The following FNDC3B variants were observed in gnomAD, a reference collection of about 807,000 sequenced individuals.
The protein encoded by FNDC3B is fibronectin type III domain-containing protein 3B.
A neutral mutation model predicts 151.5 loss-of-function variants in FNDC3B; 12 were observed. That is an observed-to-expected ratio of 0.08 (90% CI 0.05 to 0.13). The LOEUF is 0.13. Ranked by LOEUF, FNDC3B falls within the 10% of genes least tolerant of loss-of-function variation. FNDC3B has a pLI of 1.00. For synonymous variants in FNDC3B, 528 were observed against 549.0 expected (o/e 0.96, Z 0.54); for missense variants, 1,214 against 1,505.3 (o/e 0.81, Z 3.20).
intron 1 of FNDC3B, among the ~76,000 whole-genome samples, chr3:172,086,573 C>T (rs1033575737): frequency 6.6e-6 from 1 of 151,998 alleles, no homozygotes; most frequent in Non-Finnish European, 1.5e-5. Context: ...AAAAATTGGC[C>T]TAAGTTCTTA....
Position 172,330,659 on chromosome 3 carries a change from G to A in FNDC3B, c.1498G>A (p.Gly500Ser). The A allele has an allele frequency of 6.2e-7, 1 of 1,614,118 alleles. No homozygotes were observed. Among genetic ancestry groups the A allele is most frequent in the South Asian group, 1.1e-5 (1 of 91,064 alleles). ...WVTLQWSKPE[G>S]CSPEEVITYT... Reference sequence around the variant, plus strand: ...CACGTTGCAGTGGAGTAAGCCAGAAGGCTGTTCACCCGAGGAAGTGATCAC... The same window carrying A: ...CACGTTGCAGTGGAGTAAGCCAGAAAGCTGTTCACCCGAGGAAGTGATCAC... Residue 500 changes from glycine (G) to serine (S), a missense_variant, in exon 13 of 26, where the codon GGC (glycine) becomes AGC (serine). This residue lies in a region of FNDC3B where 111 missense variants were observed against 96.8 expected (regional missense o/e 1.15). Coordinates refer to ENST00000415807, the MANE Select transcript of FNDC3B (RefSeq NM_022763.4).
intron 3 of FNDC3B, among the ~76,000 whole-genome samples, chr3:172,167,746 A>T (rs1381382795): frequency 6.6e-6 from 1 of 152,204 alleles, no homozygotes; most frequent in Non-Finnish European, 1.5e-5. Context: ...GCCTCCTGTC[A>T]GATCAGCAGT....
chr3:172,086,230 C>T (rs559733805), intron 1 of FNDC3B, among the ~76,000 whole-genome samples: 3 of 151,976 alleles, frequency 2.0e-5, no homozygotes, highest in Non-Finnish European at 4.4e-5. Flanking sequence ...TATGGTGGCA[C>T]ACACCTGTAG....
intron 25 of FNDC3B, among the ~76,000 whole-genome samples, chr3:172,389,322 C>G (rs1472226383): frequency 6.6e-6 from 1 of 152,122 alleles, no homozygotes; most frequent in Non-Finnish European, 1.5e-5. Flanking sequence ...ATCTGTTACT[C>G]TAAAAAAATC....
intron 11 of FNDC3B, among the ~76,000 whole-genome samples, chr3:172,325,559 G>A (rs1443104567): frequency 6.6e-6 from 1 of 152,126 alleles, no homozygotes; most frequent in African/African-American, 2.4e-5. Flanking sequence ...GTTTATAAAT[G>A]CTATTTGCAA....
intron 21 of FNDC3B, among the ~76,000 whole-genome samples, chr3:172,349,013 G>A (rs1470874042): frequency 7.2e-5 from 11 of 152,040 alleles, no homozygotes; most frequent in South Asian, 2.1e-4. Flanking sequence ...AATATTGGCC[G>A]GGCATGGGGG....
chr3:172,054,335 C>T (rs766505788), intron 1 of FNDC3B, among the ~76,000 whole-genome samples: 25 of 152,292 alleles, frequency 1.6e-4, no homozygotes, highest in Admixed American at 2.6e-4. Context: ...CTTTCCCAGA[C>T]GGCCCAGGCT....
At chr3:172,267,448 G>A (rs1728982439) in intron 6 of FNDC3B, among the ~76,000 whole-genome samples, 1 of 152,136 alleles carries the variant, frequency 6.6e-6, no homozygotes, top group Admixed American at 6.5e-5. Flanking sequence ...GAGCCACCAT[G>A]CCCAGCCTAT....
chr3:172,104,648 C>G (rs1719551116), intron 1 of FNDC3B, among the ~76,000 whole-genome samples: 1 of 152,104 alleles, frequency 6.6e-6, no homozygotes, highest in Admixed American at 6.5e-5. Flanking sequence ...CATGCTAATT[C>G]CACATGGGCA....
chr3:172,346,604 C>T (rs1249080616), intron 20 of FNDC3B, among the ~76,000 whole-genome samples, 164 bp downstream of exon 20: 1 of 147,966 alleles, frequency 6.8e-6, no homozygotes, highest in Non-Finnish European at 1.5e-5. Context: ...TTGCCACTTG[C>T]TTATATTATT....
intron 2 of FNDC3B, among the ~76,000 whole-genome samples, chr3:172,122,171 A>G (rs1405552847): frequency 1.3e-5 from 2 of 152,252 alleles, no homozygotes; most frequent in African/African-American, 4.8e-5. Context: ...ATTTAAACAT[A>G]TGACTATATA....
At chr3:172,182,637 G>A (rs775771643) in intron 3 of FNDC3B, among the ~76,000 whole-genome samples, 1 of 152,226 alleles carries the variant, frequency 6.6e-6, no homozygotes, top group Non-Finnish European at 1.5e-5. Context: ...CAGACTGCAA[G>A]AACCTGTTAA....
chr3:172,077,068 T>A (rs1486823830), intron 1 of FNDC3B, among the ~76,000 whole-genome samples: 1 of 152,050 alleles, frequency 6.6e-6, no homozygotes, highest in Non-Finnish European at 1.5e-5. Context: ...TAAGTACAAC[T>A]TGAAAATGAT....
chr3:172,351,350 TGAGGA>T (rs1733841925), intron 21 of FNDC3B, among the ~76,000 whole-genome samples: 1 of 151,982 alleles, frequency 6.6e-6, no homozygotes, highest in Non-Finnish European at 1.5e-5. Flanking sequence ...GCAAAGGCCA[TGAGGA>T]GGCAGCAAAC....
chr3:172,389,856 T>G (rs1735916750), intron 25 of FNDC3B, among the ~76,000 whole-genome samples: 1 of 152,122 alleles, frequency 6.6e-6, no homozygotes, highest in South Asian at 2.1e-4. Context: ...AGAGCGAGAC[T>G]CGGTCTCAAA....
chr3:172,194,145 G>A (rs372705644), intron 3 of FNDC3B, among the ~76,000 whole-genome samples: 272 of 152,204 alleles, frequency 1.8e-3, no homozygotes, highest in Middle Eastern at 6.8e-3. Context: ...GCGTGAACCC[G>A]GGGGGCGGAG....
rs553920332 is a variant in FNDC3B at position 172,194,382 on chromosome 3, A to G, written c.188-32489A>G. ...AACGTGTGATTCTTGTCGTTGATGG[A>G]TGACCTTACCTGTCAAGTGAAATGA... On this transcript the variant is annotated intron_variant, in intron 3 of 25. Transcript: ENST00000415807. Among the ~76,000 whole-genome samples, 14 of 152,238 alleles carry G rather than the reference A, an allele frequency of 9.2e-5. No individual in the cohort carries two copies. The South Asian group carries it at 2.5e-3, about 27-fold the overall frequency.
In FNDC3B at chr3:172,400,098, C is replaced by G. The variant is rs762565898; in HGVS notation, c.*2623C>G. 1.3e-5 allele frequency: 2 copies of G among 152,356 alleles called. No individual in the cohort carries two copies. Among genetic ancestry groups the G allele is most frequent in the Non-Finnish European group, 2.9e-5 (2 of 68,032 alleles). 9.4% of individuals were successfully genotyped at this position (152,356 alleles called of 1,614,324 possible). A position where few individuals can be genotyped will look rare whatever the true frequency, so the allele number is the denominator to read the frequency against. On this transcript the variant is annotated 3_prime_UTR_variant, in exon 26 of 26. Coordinates refer to ENST00000415807, the MANE Select transcript of FNDC3B (RefSeq NM_022763.4). Reference sequence around the variant, plus strand: ...TATAACTATATATATTGCCATCACACACGAACAATAAAATAAAGTGTTCTA... The same window carrying G: ...TATAACTATATATATTGCCATCACAGACGAACAATAAAATAAAGTGTTCTA...
chr3:172,340,053 C>T (rs1388192554), intron 16 of FNDC3B, among the ~76,000 whole-genome samples: 2 of 152,198 alleles, frequency 1.3e-5, no homozygotes, highest in African/African-American at 4.8e-5. Context: ...CAACTGGAAA[C>T]ACAGCGTGAG....
Sources: gnomAD v4.1 joint callset for allele counts (sites outside exome capture counted in the v4.1 genomes callset) on GRCh38, gnomAD v4.1.1 for gene constraint, gnomAD v4.1.1 regional missense constraint, MANE v1.5 for transcripts, NCBI Gene and HGNC (gene_info 2026-07-23, HGNC 2026-07-21) for gene names.